Variants in VAMP7 observed in about 807,000 individuals in gnomAD.
VAMP7 encodes the protein vesicle-associated membrane protein 7.
In VAMP7, 14 loss-of-function variants were observed where a neutral mutation model predicts 29.6. The ratio of observed to expected loss-of-function variants is 0.47; its 90% CI spans 0.31 to 0.74. The LOEUF is 0.74. VAMP7 is among the 30% of genes least tolerant of loss of function. VAMP7 has a pLI of 0.05. For synonymous variants in VAMP7, 95 were observed against 88.1 expected, an observed-to-expected ratio of 1.08 and a Z score of -0.44; for missense variants, 223 against 262.4, an observed-to-expected ratio of 0.85 and a Z score of 1.04.
At chrX:155,899,766 G>T (rs2066036454) in intron 4 of VAMP7, among the ~76,000 whole-genome samples, 1 of 152,028 alleles carries the variant, frequency 6.6e-6, no homozygotes, top group Admixed American at 6.6e-5. Context: ...TAACCAATTT[G>T]TCATTAGCTC....
rs182027201 is a variant in VAMP7 at position 155,886,969 on chromosome X, G to T, written c.-9-2489G>T. Among the ~76,000 whole-genome samples the T allele has an allele frequency of 1.7e-3, 254 of 152,140 alleles. 1 individual carries two copies. The highest frequency in any genetic ancestry group is 0.013 in the Admixed American group (206 of 15,286). On this transcript the variant is annotated intron_variant, in intron 1 of 7. Coordinates refer to ENST00000286448, the MANE Select transcript of VAMP7 (RefSeq NM_005638.6). ...CTACTTTTTCATCTCTCTGTTCCAG[G>T]GACCATATGATTTCTTATCTCTGTT... is the stretch of plus-strand genomic sequence containing the variant.
At chrX:155,905,250 A>G (rs2066131192) in intron 5 of VAMP7, among the ~76,000 whole-genome samples, 1 of 151,792 alleles carries the variant, frequency 6.6e-6, no homozygotes, top group African/African-American at 2.4e-5. Context: ...AAAATACTTT[A>G]TTGTTTTTAA....
At chrX:155,892,243 C>T (rs1053560089) in intron 2 of VAMP7, among the ~76,000 whole-genome samples, 4 of 152,028 alleles carry the variant, frequency 2.6e-5, no homozygotes, top group African/African-American at 9.7e-5. Flanking sequence ...ATGCTGTTCT[C>T]CCCCTAAGCC....
intron 6 of VAMP7, among the ~76,000 whole-genome samples, chrX:155,922,844 G>A (rs2066414899): frequency 6.6e-6 from 1 of 151,954 alleles, no homozygotes; most frequent in South Asian, 2.1e-4. Context: ...TTTAAAATCT[G>A]CCATCTTGCT....
chrX:155,889,337 C>A, intron 1 of VAMP7, 121 bp from the exon 2 acceptor site: 1 of 1,361,478 alleles, frequency 7.3e-7, no homozygotes, highest in Non-Finnish European at 9.9e-7. Context: ...TGTTAAGTTT[C>A]ATGTTATAGT....
intron 6 of VAMP7, among the ~76,000 whole-genome samples, chrX:155,929,970 A>G (rs190774021): frequency 6.6e-6 from 1 of 152,282 alleles, no homozygotes; most frequent in African/African-American, 2.4e-5. Flanking sequence ...ATGGTTTATT[A>G]CAGGCAAATT....
chrX:155,910,222 C>T (rs1196843176), intron 5 of VAMP7, among the ~76,000 whole-genome samples: 1 of 152,170 alleles, frequency 6.6e-6, no homozygotes, highest in Non-Finnish European at 1.5e-5. Flanking sequence ...CTTTCCATGC[C>T]TGCCTTATAT....
At chrX:155,896,451 T>G (rs191157274) in intron 3 of VAMP7, among the ~76,000 whole-genome samples, 1 of 152,064 alleles carries the variant, frequency 6.6e-6, no homozygotes, top group East Asian at 1.9e-4. Flanking sequence ...TATAAACCTG[T>G]AGTTTACATT....
intron 6 of VAMP7, among the ~76,000 whole-genome samples, chrX:155,937,058 A>C (rs1243300938): frequency 2.0e-5 from 3 of 152,220 alleles, no homozygotes; most frequent in Non-Finnish European, 4.4e-5. Flanking sequence ...ACACAGATTC[A>C]ACACAATCCC....
chrX:155,932,172 G>T lies in VAMP7; in HGVS notation c.502-7529G>T, dbSNP rs759622034. On this transcript the variant is annotated intron_variant, in intron 6 of 7. Transcript: ENST00000286448. ...CTACAGTTTTGTTCTTTTGGCTTAGGATTGACTTGGCAATGCAGGCTCTTT... is the reference window on the plus strand; with the variant it reads ...CTACAGTTTTGTTCTTTTGGCTTAGTATTGACTTGGCAATGCAGGCTCTTT... 1.4e-4 allele frequency among the ~76,000 whole-genome samples: 22 copies of T among 152,270 alleles called. No homozygotes were observed. The East Asian group carries it at 4.2e-3, about 29-fold the overall frequency.
chrX:155,907,880 G>A (rs2066170553), intron 5 of VAMP7, among the ~76,000 whole-genome samples: 1 of 152,144 alleles, frequency 6.6e-6, no homozygotes, highest in South Asian at 2.1e-4. Context: ...TCACTTCTCA[G>A]ACAGGGCGGC....
chrX:155,930,184 T>C (rs2066527578), intron 6 of VAMP7, among the ~76,000 whole-genome samples: 1 of 152,164 alleles, frequency 6.6e-6, no homozygotes, highest in African/African-American at 2.4e-5. Context: ...GGGGTTTCAT[T>C]ATGTAGGCAT....
intron 7 of VAMP7, 26 bp from the exon 8 acceptor site, chrX:155,941,857 T>C: frequency 6.2e-7 from 1 of 1,607,526 alleles, no homozygotes; most frequent in Non-Finnish European, 8.5e-7. Flanking sequence ...TTCAAGAAAA[T>C]AAAATTGCTC....
intron 1 of VAMP7, among the ~76,000 whole-genome samples, chrX:155,884,705 T>C (rs2065846036): frequency 6.6e-6 from 1 of 152,244 alleles, no homozygotes; most frequent in African/African-American, 2.4e-5. Context: ...GTTTATAAGA[T>C]ACACATGTAG....
At chrX:155,906,167 C>T (rs978877261) in intron 5 of VAMP7, among the ~76,000 whole-genome samples, 1 of 152,170 alleles carries the variant, frequency 6.6e-6, no homozygotes, top group African/African-American at 2.4e-5. Flanking sequence ...TAGGTCTCAT[C>T]CTCGGGCTCT....
At chrX:155,913,231 C>T (rs748621933) in intron 5 of VAMP7, among the ~76,000 whole-genome samples, 1 of 151,714 alleles carries the variant, frequency 6.6e-6, no homozygotes, top group South Asian at 2.1e-4. Context: ...TTGTTTTTTT[C>T]TTGTAAATTT....
At chrX:155,898,026 T>G (rs2066009028) in intron 3 of VAMP7, 86 bp from the exon 4 acceptor site, 3 of 1,497,430 alleles carry the variant, frequency 2.0e-6, no homozygotes, top group Admixed American at 1.9e-5. Flanking sequence ...TCAGTAAATG[T>G]TAGCTGTTTT....
intron 5 of VAMP7, among the ~76,000 whole-genome samples, chrX:155,912,326 A>G (rs886082081): frequency 1.1e-4 from 16 of 152,220 alleles, no homozygotes; most frequent in East Asian, 7.7e-4. Flanking sequence ...AAATATTTCA[A>G]CCTGACCCAT....
chrX:155,886,220 G>T (rs991523909), intron 1 of VAMP7, among the ~76,000 whole-genome samples: 3 of 152,120 alleles, frequency 2.0e-5, no homozygotes, highest in African/African-American at 7.2e-5. Flanking sequence ...AACTTCAAGT[G>T]CAGTGTTCAT....
Sources: gnomAD v4.1 joint callset for allele counts (sites outside exome capture counted in the v4.1 genomes callset) on GRCh38, gnomAD v4.1.1 for gene constraint, MANE v1.5 for transcripts, NCBI Gene and HGNC (gene_info 2026-07-23, HGNC 2026-07-21) for gene names.